Variants in WWOX observed in about 807,000 individuals in gnomAD.
The protein encoded by WWOX is WW domain containing oxidoreductase, also known as WW domain-containing oxidoreductase.
A neutral mutation model predicts 46.2 loss-of-function variants in WWOX; 69 were observed. That is an observed-to-expected ratio of 1.49 (90% CI 1.23 to 1.82). WWOX has a LOEUF of 1.82. Among genes scored for constraint, WWOX ranks in the 40% most tolerant of loss-of-function variants. WWOX has a pLI of 0.00. For missense variants in WWOX, 919 were observed against 542.6 expected (o/e 1.69, Z -6.89); for synonymous variants, 359 against 202.6 (o/e 1.77, Z -6.56).
chr16:78,923,556 T>A (rs1196359119), intron 8 of WWOX, among the ~76,000 whole-genome samples: 1 of 152,128 alleles, frequency 6.6e-6, no homozygotes, highest in African/African-American at 2.4e-5. Flanking sequence ...ATAATATATA[T>A]AAATTTTCCA....
Position 78,225,964 on chromosome 16 carries a change from A to T in WWOX, c.516+61675A>T, listed in dbSNP as rs190287545. ...GGACTTTAAAAATAGTTCTAGTACTAATTGTATTTTTATTCTAATACTGCT... is the reference window on the plus strand; with the variant it reads ...GGACTTTAAAAATAGTTCTAGTACTTATTGTATTTTTATTCTAATACTGCT... On this transcript the variant is annotated intron_variant, in intron 5 of 8. Coordinates refer to ENST00000566780, the MANE Select transcript of WWOX (RefSeq NM_016373.4). 8.5e-5 allele frequency among the ~76,000 whole-genome samples: 13 copies of T among 152,316 alleles called. No individual in the cohort carries two copies. In the East Asian group the frequency reaches 2.5e-3, roughly 29 times the overall value.
intron 5 of WWOX, among the ~76,000 whole-genome samples, chr16:78,166,105 G>A (rs916803305): frequency 2.0e-5 from 3 of 151,766 alleles, no homozygotes; most frequent in Admixed American, 6.6e-5. Context: ...TAAACATTAT[G>A]TATTCTTCCA....
chr16:79,094,697 A>G (rs904165737), intron 8 of WWOX, among the ~76,000 whole-genome samples: 9 of 152,128 alleles, frequency 5.9e-5, no homozygotes, highest in African/African-American at 2.2e-4. Context: ...GTACAAGGAT[A>G]CATATATAAA....
chr16:78,784,793 A>G (rs1477502286), intron 8 of WWOX, among the ~76,000 whole-genome samples: 2 of 152,138 alleles, frequency 1.3e-5, no homozygotes, highest in African/African-American at 4.8e-5. Context: ...GACCTTCATA[A>G]TAAGGACTCA....
chr16:78,974,774 C>T (rs141385998), intron 8 of WWOX, among the ~76,000 whole-genome samples: 1 of 152,166 alleles, frequency 6.6e-6, no homozygotes, highest in Non-Finnish European at 1.5e-5. Flanking sequence ...GCTCTCCACC[C>T]TTCAGAATGG....
At chr16:79,031,151 G>A (rs1268881444) in intron 8 of WWOX, among the ~76,000 whole-genome samples, 2 of 151,380 alleles carry the variant, frequency 1.3e-5, no homozygotes, top group African/African-American at 4.9e-5. Context: ...GCTTTAAAAT[G>A]TCAAGGCCAA....
At chr16:78,296,745 A>C (rs1402591022) in intron 5 of WWOX, among the ~76,000 whole-genome samples, 1 of 152,166 alleles carries the variant, frequency 6.6e-6, no homozygotes, top group Non-Finnish European at 1.5e-5. Context: ...TGTGCATTGT[A>C]CAGCAATTCA....
At chr16:78,773,887 T>C (rs1322708935) in intron 8 of WWOX, among the ~76,000 whole-genome samples, 3 of 152,150 alleles carry the variant, frequency 2.0e-5, no homozygotes, top group African/African-American at 7.2e-5. Context: ...TTCGCATACT[T>C]GTATGGGAGA....
intron 8 of WWOX, among the ~76,000 whole-genome samples, chr16:78,855,537 G>T (rs2052545824): frequency 6.6e-6 from 1 of 152,168 alleles, no homozygotes; most frequent in African/African-American, 2.4e-5. Context: ...AAATGTGGCA[G>T]ACAATAAAAT....
intron 5 of WWOX, among the ~76,000 whole-genome samples, chr16:78,271,426 C>A (rs940508676): frequency 1.3e-5 from 2 of 152,216 alleles, no homozygotes; most frequent in African/African-American, 4.8e-5. Context: ...TGCTTACCTG[C>A]ATCACCTTGC....
In WWOX at chr16:79,082,513, A is replaced by G. The variant is rs1314335801; in HGVS notation, c.1057-129095A>G. ...CTATGGAGATGTTGAAAGTAGCCCAAAGGAACTGTGTGCCTCGCATCTTGG... is the reference window on the plus strand; with the variant it reads ...CTATGGAGATGTTGAAAGTAGCCCAGAGGAACTGTGTGCCTCGCATCTTGG... On this transcript the variant is annotated intron_variant, in intron 8 of 8. Coordinates refer to ENST00000566780, the MANE Select transcript of WWOX (RefSeq NM_016373.4). Among the ~76,000 whole-genome samples the G allele has an allele frequency of 4.6e-5, 7 of 152,192 alleles. No homozygotes were observed. The East Asian group carries it at 1.4e-3, about 29-fold the overall frequency.
At chr16:78,490,021 A>C (rs1035832225) in intron 8 of WWOX, among the ~76,000 whole-genome samples, 4 of 152,232 alleles carry the variant, frequency 2.6e-5, no homozygotes, top group Non-Finnish European at 5.9e-5. Flanking sequence ...TTCTTCTTAA[A>C]ATACGGAGCG....
intron 8 of WWOX, among the ~76,000 whole-genome samples, chr16:78,893,985 C>T (rs1472126520): frequency 6.6e-6 from 1 of 150,750 alleles, no homozygotes; most frequent in East Asian, 1.9e-4. Flanking sequence ...CCAGGTATCC[C>T]TGATTACCAT....
chr16:78,655,942 A>G (rs2047070128), intron 8 of WWOX, among the ~76,000 whole-genome samples: 1 of 152,076 alleles, frequency 6.6e-6, no homozygotes, highest in Non-Finnish European at 1.5e-5. Context: ...CTTAAAATCC[A>G]CAATGCACAG....
At chr16:78,334,760 C>T (rs1409287751) in intron 5 of WWOX, among the ~76,000 whole-genome samples, 2 of 150,022 alleles carry the variant, frequency 1.3e-5, no homozygotes, top group South Asian at 2.1e-4. Flanking sequence ...AGAATTAAAA[C>T]CACCCACCAG....
chr16:78,293,138 G>A (rs1206868397), intron 5 of WWOX, among the ~76,000 whole-genome samples: 1 of 152,166 alleles, frequency 6.6e-6, no homozygotes, highest in Non-Finnish European at 1.5e-5. Context: ...TGGGACACAA[G>A]CCACCTCCTC....
intron 5 of WWOX, among the ~76,000 whole-genome samples, chr16:78,366,013 C>G (rs2081528469): frequency 6.6e-6 from 1 of 152,156 alleles, no homozygotes; most frequent in Non-Finnish European, 1.5e-5. Context: ...TTCCTAGATT[C>G]AGGAAAGTAT....
At chr16:79,055,504 C>T (rs976941639) in intron 8 of WWOX, among the ~76,000 whole-genome samples, 2 of 152,100 alleles carry the variant, frequency 1.3e-5, no homozygotes, top group Non-Finnish European at 2.9e-5. Flanking sequence ...AAATGGCCAA[C>T]CTCCATCCAT....
At chr16:78,229,409 C>G (rs975343905) in intron 5 of WWOX, among the ~76,000 whole-genome samples, 3 of 150,038 alleles carry the variant, frequency 2.0e-5, no homozygotes, top group Admixed American at 6.6e-5. Flanking sequence ...TTGTTGTCAT[C>G]GTTTTATGAT....
Sources: gnomAD v4.1 joint callset for allele counts (sites outside exome capture counted in the v4.1 genomes callset) on GRCh38, gnomAD v4.1.1 for gene constraint, MANE v1.5 for transcripts, NCBI Gene and HGNC (gene_info 2026-07-23, HGNC 2026-07-21) for gene names.